RNF14: variants seen among roughly 807,000 people sequenced by gnomAD.
The protein encoded by RNF14 is E3 ubiquitin-protein ligase RNF14.
A neutral mutation model predicts 52.6 loss-of-function variants in RNF14; 26 were observed. The ratio of observed to expected loss-of-function variants is 0.49; its 90% CI spans 0.36 to 0.69. The LOEUF is 0.69. RNF14 is among the 30% of genes least tolerant of loss of function. The probability of loss-of-function intolerance (pLI) is 0.00; values close to 1 mark genes in which losing one functional copy is unlikely to be tolerated. For missense variants in RNF14, 404 were observed against 560.4 expected (o/e 0.72, Z 2.82); for synonymous variants, 194 against 202.0 (o/e 0.96, Z 0.34).
At chr5:141,968,586 A>G (rs1166768205), upstream of RNF14, among the ~76,000 whole-genome samples, 1 of 152,224 alleles carries the variant, frequency 6.6e-6, no homozygotes, top group East Asian at 1.9e-4. Context: ...GTAAAGTGAG[A>G]ATAACAAATG....
chr5:141,973,807 A>G, intron 3 of RNF14, 65 bp downstream of exon 3: 2 of 1,371,032 alleles, frequency 1.5e-6, no homozygotes, highest in South Asian at 1.5e-5. Flanking sequence ...ACCTTAAACT[A>G]TTTGTCATTT....
At chr5:141,979,599 C>T (rs1754584834) in intron 5 of RNF14, among the ~76,000 whole-genome samples, 1 of 152,086 alleles carries the variant, frequency 6.6e-6, no homozygotes, top group South Asian at 2.1e-4. Flanking sequence ...AAATAAACTA[C>T]ACATTTAAAT....
intron 4 of RNF14, among the ~76,000 whole-genome samples, chr5:141,977,022 C>G (rs958716737): frequency 6.6e-6 from 1 of 152,206 alleles, no homozygotes; most frequent in African/African-American, 2.4e-5. Context: ...AACCCCTGAC[C>G]TCAGGTGATC....
upstream of RNF14, among the ~76,000 whole-genome samples, chr5:141,968,735 G>A (rs966506421): frequency 6.6e-6 from 1 of 152,236 alleles, no homozygotes. Flanking sequence ...TGCTTCCACA[G>A]TGGAGTGCCA....
In RNF14 at chr5:141,987,723, A is replaced by G. The variant is rs1335910420; in HGVS notation, c.1368-10A>G. On this transcript the variant is annotated splice_polypyrimidine_tract_variant and intron_variant, in intron 8 of 8. Coordinates refer to ENST00000394520, the MANE Select transcript of RNF14 (RefSeq NM_004290.5). The stretch of plus-strand genomic sequence containing the variant: ...AGTGTATAAAAATGTACCTTTTTTA[A>G]TGCTTCCAGGCTGTTTTATGCTGTG... 1 of 1,613,864 alleles carries G rather than the reference A, an allele frequency of 6.2e-7. No individual in the cohort carries two copies. The highest frequency in any genetic ancestry group is 8.5e-7 in the Non-Finnish European group (1 of 1,179,826).
At chr5:141,955,481 C>A, upstream of RNF14, 1 of 1,614,162 alleles carries the variant, frequency 6.2e-7, no homozygotes, top group Non-Finnish European at 8.5e-7. The surrounding 1 kb of genome is among the most constrained non-coding windows in gnomAD (Gnocchi z 5.5). Context: ...GACTGCCCGA[C>A]TTCACAAGGC....
At chr5:141,957,395 G>A (rs375993732), upstream of RNF14, 8 of 1,613,562 alleles carry the variant, frequency 5.0e-6, no homozygotes, top group African/African-American at 1.3e-5. This position sits in a 1 kb window ranked among gnomAD's most constrained non-coding sequence, Gnocchi z 4.3. Context: ...AGGGGGATCC[G>A]GGTTCGCAGA....
chr5:141,989,743 A>G lies in RNF14; in HGVS notation c.*1953A>G, dbSNP rs1430663710. ...GTTAAAGAATAAATTAAAGATAAGA[A>G]ATGGAAATTAAAATGATTTGTTCTA... On this transcript the variant is annotated 3_prime_UTR_variant, in exon 9 of 9. Coordinates refer to ENST00000394520, the MANE Select transcript of RNF14 (RefSeq NM_004290.5). 1 of 151,948 alleles carries G rather than the reference A, an allele frequency of 6.6e-6. No individual in the cohort carries two copies. Among genetic ancestry groups the G allele is most frequent in the African/African-American group, 2.4e-5 (1 of 41,376 alleles). 9.4% of individuals were successfully genotyped at this position (151,948 alleles called of 1,614,324 possible).
upstream of RNF14, among the ~76,000 whole-genome samples, chr5:141,964,780 ATTTT>A (rs67577436): frequency 1.6e-3 from 223 of 137,620 alleles, no homozygotes; most frequent in Admixed American, 3.0e-3. Context: ...AGCCCGGCTA[ATTTT>A]TTTTTTTTTT....
chr5:141,985,799 C>T lies in RNF14; in HGVS notation c.1367+866C>T, dbSNP rs534725397. Among the ~76,000 whole-genome samples, 8 of 152,240 alleles carry T rather than the reference C, an allele frequency of 5.3e-5. 1 individual carries two copies. Among genetic ancestry groups the T allele is most frequent in the Admixed American group, 3.3e-4 (5 of 15,298 alleles). ...CGATCTCCTGACCTCGTGAGCTGCC[C>T]GCCTCGGCCTCCCAAAGTGCTGGGA... On this transcript the variant is annotated intron_variant, in intron 8 of 8. Transcript: ENST00000394520.
chr5:141,970,809 T>C lies in RNF14; in HGVS notation c.-75T>C, dbSNP rs1399078676. 1 of 152,360 alleles carries C rather than the reference T, an allele frequency of 6.6e-6. No homozygotes were observed. Among genetic ancestry groups the C allele is most frequent in the Non-Finnish European group, 1.5e-5 (1 of 68,046 alleles). 9.4% of individuals were successfully genotyped at this position (152,360 alleles called of 1,614,324 possible). A position where few individuals can be genotyped will look rare whatever the true frequency, so the allele number is the denominator to read the frequency against. ...AGTTAGAGAATAAATGGGATTTGCA[T>C]GAACTCCACTCTGAGCTGAAATACA... On this transcript the variant is annotated 5_prime_UTR_variant, in exon 2 of 9. The change abolishes an upstream ATG in the 5' untranslated region. Coordinates refer to ENST00000394520, the MANE Select transcript of RNF14 (RefSeq NM_004290.5).
upstream of RNF14, among the ~76,000 whole-genome samples, chr5:141,965,922 G>A (rs1025814193): frequency 5.3e-5 from 8 of 150,268 alleles, no homozygotes; most frequent in African/African-American, 2.0e-4. Flanking sequence ...ACAAACCCCC[G>A]TGACACGAGT....
chr5:141,951,460 T>G, the RNF14 span: 1 of 1,550,500 alleles, frequency 6.4e-7, no homozygotes, highest in Non-Finnish European at 8.9e-7. Flanking sequence ...AGTAGGGGCC[T>G]TGAGATGCCT....
At chr5:141,968,362 C>T (rs1753433551), upstream of RNF14, among the ~76,000 whole-genome samples, 1 of 152,150 alleles carries the variant, frequency 6.6e-6, no homozygotes, top group Non-Finnish European at 1.5e-5. Context: ...GCCTCGGCTT[C>T]CCAAAGTGCT....
chr5:141,952,333 GGGGGGTGGTACT>G, the RNF14 span: 1 of 152,302 alleles, frequency 6.6e-6, no homozygotes, highest in Non-Finnish European at 1.5e-5. Context: ...GGAGGAAGCA[GGGGGGTGGTACT>G]GGATTAAGTT....
intron 5 of RNF14, among the ~76,000 whole-genome samples, chr5:141,979,225 TG>T (rs774537055): frequency 0.13 from 10,499 of 82,806 alleles, 412 homozygotes; most frequent in Non-Finnish European, 0.17. Flanking sequence ...CCTACTTAGG[TG>T]GTGGTGGTGT....
upstream of RNF14, among the ~76,000 whole-genome samples, chr5:141,963,675 C>T (rs1355151358): frequency 3.3e-5 from 5 of 152,216 alleles, no homozygotes; most frequent in East Asian, 1.9e-4. Flanking sequence ...TCTCTATTTA[C>T]AAGGTCATTT....
the RNF14 span, among the ~76,000 whole-genome samples, chr5:141,949,860 C>T: frequency 6.6e-6 from 1 of 152,180 alleles, no homozygotes; most frequent in African/African-American, 2.4e-5. Flanking sequence ...GAGCCTGGCA[C>T]ATTGTAAGCA....
intron 6 of RNF14, among the ~76,000 whole-genome samples, chr5:141,980,645 G>A (rs1406754512): frequency 6.7e-6 from 1 of 149,876 alleles, no homozygotes; most frequent in Admixed American, 6.8e-5. Flanking sequence ...GATATGAAAT[G>A]TTCTGAAGGG....
Sources: gnomAD v4.1 joint callset for allele counts (sites outside exome capture counted in the v4.1 genomes callset) on GRCh38, gnomAD v4.1.1 for gene constraint, Gnocchi (gnomAD v3.1) non-coding constraint, MANE v1.5 for transcripts, NCBI Gene and HGNC (gene_info 2026-07-23, HGNC 2026-07-21) for gene names.